Variants in ZNF596 observed in about 807,000 individuals in gnomAD.
The protein encoded by ZNF596 is zinc finger protein 596.
In ZNF596, 45 loss-of-function variants were observed where a neutral mutation model predicts 48.3. That is an observed-to-expected ratio of 0.93 (90% CI 0.73 to 1.19). The LOEUF (loss-of-function observed/expected upper bound fraction) is 1.19. Ranked by LOEUF, ZNF596 falls within the 50% of genes most tolerant of loss-of-function variation. The probability of loss-of-function intolerance (pLI) is 0.00; values close to 1 mark genes in which losing one functional copy is unlikely to be tolerated. For synonymous variants in ZNF596, 270 were observed against 202.0 expected, an observed-to-expected ratio of 1.34 and a Z score of -2.85; for missense variants, 848 against 599.7, an observed-to-expected ratio of 1.41 and a Z score of -4.32.
intron 1 of ZNF596, 143 bp from the exon 2 acceptor site, chr8:240,681 G>A (rs1166227921): frequency 1.7e-6 from 1 of 590,928 alleles, no homozygotes; most frequent in Non-Finnish European, 3.0e-6. Context: ...CTGACCCTGG[G>A]AGAGGAGAGC....
Position 245,267 on chromosome 8 carries a change from A to T in ZNF596, c.420A>T (p.Val140=). 1 of 1,614,070 alleles carries T rather than the reference A, an allele frequency of 6.2e-7. No individual in the cohort carries two copies. Among genetic ancestry groups the T allele is most frequent in the Non-Finnish European group, 8.5e-7 (1 of 1,179,996 alleles). The stretch of plus-strand genomic sequence containing the variant: ...CCTACATGAGAACGAAACACTTTGT[A>T]AGCAAAAAGTTTGGGAAAATCTTCA... ...VITYMRTKHF[V]SKKFGKIFSD... Residue 140 remains valine, a synonymous_variant, in exon 6 of 6, where the codon GTA becomes GTT. Coordinates refer to ENST00000398612, the MANE Select transcript of ZNF596 (RefSeq NM_001042416.3).
At chr8:234,966 G>A (rs185891119) in intron 1 of ZNF596, 1 of 152,168 alleles carries the variant, frequency 6.6e-6, no homozygotes, top group African/African-American at 2.4e-5. Context: ...ACAAATCCTG[G>A]AAAAGAAGAT....
At position 242,885 on chromosome 8, in the gene ZNF596, A is replaced by G. The variant is rs775074359; in HGVS notation, c.13-2A>G. 2.4e-5 allele frequency: 37 copies of G among 1,546,696 alleles called. No homozygotes were observed. The highest frequency in any genetic ancestry group is 7.3e-5 in the South Asian group (6 of 82,594). ...TGCAGTAGAATGTCCATAATGTTTT[A>G]GGATTCCATGACCTTCGAGGATATC... On this transcript the variant is annotated splice_acceptor_variant, in intron 2 of 5. Transcript: ENST00000398612. LOFTEE classifies it high-confidence loss of function.
chr8:235,799 G>C (rs1255758204), intron 1 of ZNF596, among the ~76,000 whole-genome samples: 3 of 152,062 alleles, frequency 2.0e-5, no homozygotes, highest in Non-Finnish European at 4.4e-5. Context: ...GTTTTATTCA[G>C]TCCACTTATG....
rs1480520500 is a variant in ZNF596 at position 246,522 on chromosome 8, T to G, written c.*160T>G. The G allele has an allele frequency of 2.2e-6, 2 of 910,798 alleles. No individual in the cohort carries two copies. Among genetic ancestry groups the G allele is most frequent in the Non-Finnish European group, 3.2e-6 (2 of 629,708 alleles). The allele number at this position is 910,798 out of a possible 1,614,324, so 56.4% of individuals were successfully genotyped here. ...AGAGAATCCAGATGTATTTAATGTTTATGGCACAAACTTCAGACTCTAGGC... is the reference window on the plus strand; with the variant it reads ...AGAGAATCCAGATGTATTTAATGTTGATGGCACAAACTTCAGACTCTAGGC... On this transcript the variant is annotated 3_prime_UTR_variant, in exon 6 of 6. Coordinates refer to ENST00000398612, the MANE Select transcript of ZNF596 (RefSeq NM_001042416.3).
Position 246,558 on chromosome 8 carries a change from C to A in ZNF596, c.*196C>A, listed in dbSNP as rs997115714. 3 of 562,380 alleles carry A rather than the reference C, an allele frequency of 5.3e-6. No homozygotes were observed. Among genetic ancestry groups the A allele is most frequent in the Non-Finnish European group, 8.7e-6 (3 of 342,986 alleles). The allele number at this position is 562,380 out of a possible 1,614,324, so 34.8% of individuals were successfully genotyped here. A position where few individuals can be genotyped will look rare whatever the true frequency, so the allele number is the denominator to read the frequency against. ...CTTCAGACTCTAGGCTGACCATATA[C>A]AACGTGAGAGAATGAAACTATAGAT... On this transcript the variant is annotated 3_prime_UTR_variant, in exon 6 of 6. Transcript: ENST00000398612.
chr8:244,528 T>C, intron 4 of ZNF596, 91 bp from the exon 5 acceptor site: 2 of 845,718 alleles, frequency 2.4e-6, no homozygotes, highest in Non-Finnish European at 3.9e-6. Context: ...TCTGTGTGTA[T>C]TTGAAACACA....
chr8:244,768 T>A, intron 5 of ZNF596, 67 bp downstream of exon 5: 1 of 1,329,672 alleles, frequency 7.5e-7, no homozygotes, highest in Non-Finnish European at 1.1e-6. Flanking sequence ...ACTTTGGAAT[T>A]TGGTACAGGT....
At chr8:244,381 T>C in intron 4 of ZNF596, 1 of 522,676 alleles carries the variant, frequency 1.9e-6, no homozygotes, top group Admixed American at 3.7e-5. Context: ...TAGCCCTTTA[T>C]AATGGTCCTC....
intron 4 of ZNF596, chr8:244,039 C>T: frequency 3.4e-6 from 1 of 295,958 alleles, no homozygotes; most frequent in South Asian, 4.3e-5. Flanking sequence ...AGGTGTGCGC[C>T]ACCATGCCCA....
At position 237,466 on chromosome 8, in the gene ZNF596, A is replaced by G. The variant is rs182727019; in HGVS notation, c.-72-3358A>G. ...AGATCACAGCTGTAGCCCCAATTCC[A>G]TGGTTCTGGCTACTTACATTTATCA... On this transcript the variant is annotated intron_variant, in intron 1 of 5. Transcript: ENST00000398612. 2.0e-5 allele frequency: 3 copies of G among 152,270 alleles called. No individual in the cohort carries two copies. The East Asian group carries it at 5.8e-4, about 29-fold the overall frequency. The allele number at this position is 152,270 out of a possible 1,614,324, so 9.4% of individuals were successfully genotyped here. A position where few individuals can be genotyped will look rare whatever the true frequency, so the allele number is the denominator to read the frequency against.
chr8:243,313 T>A (rs2117102951), intron 3 of ZNF596: 1 of 286,866 alleles, frequency 3.5e-6, no homozygotes, highest in Admixed American at 4.8e-5. Context: ...TTGGTATGCA[T>A]AAATAAATGT....
chr8:243,684 C>T (rs1393099870), intron 3 of ZNF596, 38 bp from the exon 4 acceptor site: 11 of 1,603,512 alleles, frequency 6.9e-6, no homozygotes, highest in South Asian at 1.1e-5. Context: ...TTTGTCAGCA[C>T]AGAACTCAAA....
chr8:244,850 C>T (rs972375145), intron 5 of ZNF596, 149 bp downstream of exon 5: 3 of 719,438 alleles, frequency 4.2e-6, no homozygotes, highest in African/African-American at 1.8e-5. Flanking sequence ...AACTTCAAAT[C>T]AAAACCATAA....
intron 1 of ZNF596, chr8:237,264 T>G (rs1002266726): frequency 2.0e-5 from 3 of 152,164 alleles, no homozygotes; most frequent in African/African-American, 7.2e-5. Flanking sequence ...AACTTTTTAA[T>G]TATTGATTTC....
intron 2 of ZNF596, 64 bp downstream of exon 2, chr8:240,971 C>T: frequency 6.3e-7 from 1 of 1,588,850 alleles, no homozygotes; most frequent in South Asian, 1.1e-5. Flanking sequence ...AGGGCAGATT[C>T]ATCCTATTAA....
rs1563073025 is a variant in ZNF596, at chr8:246,337, A to T, written c.1490A>T (p.His497Leu). The T allele has an allele frequency of 6.3e-7, 1 of 1,590,816 alleles. No individual in the cohort carries two copies. Among genetic ancestry groups the T allele is most frequent in the Admixed American group, 1.8e-5 (1 of 54,420 alleles). The change falls in exon 6 of 6, where the codon CAC becomes CTC. Residue 497 changes from histidine (H) to leucine (L), a missense_variant. Physicochemically the swap from His to Leu is moderately conservative, Grantham distance 99. Transcript: ENST00000398612. ...AACCTTAGACAACATGAGAGAACTC[A>T]CACTAAAAAAGCAATGAATATGTAA... ...FFNLRQHERT[H>L]TKKAMNM
chr8:236,562 A>G (rs530994639), intron 1 of ZNF596, among the ~76,000 whole-genome samples: 2 of 152,312 alleles, frequency 1.3e-5, no homozygotes, highest in African/African-American at 2.4e-5. Flanking sequence ...GATTAAGAAG[A>G]ATTAGTCCCC....
chr8:238,231 T>C (rs1163548284), intron 1 of ZNF596, among the ~76,000 whole-genome samples: 1 of 152,136 alleles, frequency 6.6e-6, no homozygotes, highest in Non-Finnish European at 1.5e-5. Context: ...TGGAGGTTTA[T>C]GGTGGCCCCC....
Sources: allele counts gnomAD v4.1 joint callset (sites outside exome capture counted in the v4.1 genomes callset), GRCh38; gene constraint gnomAD v4.1.1; transcripts MANE v1.5; gene names NCBI Gene and HGNC (gene_info 2026-07-23, HGNC 2026-07-21).